C12orf42: variants seen among roughly 807,000 people sequenced by gnomAD.
C12orf42 encodes the protein chromosome 12 open reading frame 42.
C12orf42 carries 25 observed loss-of-function variants against 21.6 expected under a neutral mutation model. That is an observed-to-expected ratio of 1.16 (90% CI 0.84 to 1.62). The LOEUF is 1.62. Among genes scored for constraint, C12orf42 ranks in the 40% most tolerant of loss-of-function variants. C12orf42 has a pLI of 0.00. For synonymous variants in C12orf42, 174 were observed against 175.0 expected, an observed-to-expected ratio of 0.99 and a Z score of 0.05; for missense variants, 483 against 459.3, an observed-to-expected ratio of 1.05 and a Z score of -0.47.
chr12:103,075,988 A>G, the C12orf42 span, among the ~76,000 whole-genome samples: 1 of 152,160 alleles, frequency 6.6e-6, no homozygotes, highest in Non-Finnish European at 1.5e-5. Context: ...GGTTTTGGAT[A>G]TGTGGAGTTT....
At chr12:103,424,857 G>A (rs1314750820) in intron 2 of C12orf42, among the ~76,000 whole-genome samples, 2 of 152,182 alleles carry the variant, frequency 1.3e-5, no homozygotes, top group Non-Finnish European at 2.9e-5. Flanking sequence ...GCCCTGGAAA[G>A]GGGGCTAAAG....
chr12:103,134,175 C>A, the C12orf42 span, among the ~76,000 whole-genome samples: 1 of 152,092 alleles, frequency 6.6e-6, no homozygotes, highest in Non-Finnish European at 1.5e-5. Flanking sequence ...GTGCCAATAT[C>A]AGTGTAAGGA....
At chr12:103,088,172 T>C in the C12orf42 span, among the ~76,000 whole-genome samples, 1 of 152,222 alleles carries the variant, frequency 6.6e-6, no homozygotes, top group African/African-American at 2.4e-5. Flanking sequence ...TTAGGAGAAT[T>C]TTCCATGAGG....
At chr12:103,162,687 A>C in the C12orf42 span, 6 of 152,170 alleles carry the variant, frequency 3.9e-5, no homozygotes, top group African/African-American at 1.4e-4. Context: ...CAAGATTCTC[A>C]TCAGGCTCTC....
intron 2 of C12orf42, among the ~76,000 whole-genome samples, chr12:103,425,656 G>C (rs1949743759): frequency 6.6e-6 from 1 of 152,112 alleles, no homozygotes; most frequent in Admixed American, 6.5e-5. Context: ...AACAAAAAAG[G>C]ATGTCCACAC....
intron 2 of C12orf42, among the ~76,000 whole-genome samples, chr12:103,427,329 C>A: frequency 6.8e-6 from 1 of 147,438 alleles, no homozygotes. Flanking sequence ...CAATCCTAGT[C>A]TCTGATAAAA....
At chr12:103,168,779 G>T in the C12orf42 span, among the ~76,000 whole-genome samples, 1 of 152,230 alleles carries the variant, frequency 6.6e-6, no homozygotes, top group South Asian at 2.1e-4. Flanking sequence ...TTCAATATTA[G>T]ACTGGATAAA....
chr12:103,215,230 A>G, the C12orf42 span, among the ~76,000 whole-genome samples: 5 of 152,080 alleles, frequency 3.3e-5, no homozygotes, highest in African/African-American at 7.2e-5. Flanking sequence ...TTATATTAAT[A>G]CTAACACTAA....
chr12:103,442,629 AT>A (rs1395895480), intron 2 of C12orf42, among the ~76,000 whole-genome samples: 1 of 152,116 alleles, frequency 6.6e-6, no homozygotes, highest in Non-Finnish European at 1.5e-5. Flanking sequence ...CTGCATTATC[AT>A]TTTTCAACAA....
At chr12:103,314,839 A>G (rs1459939052) in intron 4 of C12orf42, among the ~76,000 whole-genome samples, 1 of 152,200 alleles carries the variant, frequency 6.6e-6, no homozygotes, top group Non-Finnish European at 1.5e-5. Flanking sequence ...TCACAGCCAC[A>G]CTTACTAAAA....
chr12:103,097,012 G>A, the C12orf42 span, among the ~76,000 whole-genome samples: 1 of 152,190 alleles, frequency 6.6e-6, no homozygotes, highest in African/African-American at 2.4e-5. Flanking sequence ...ACTAAAGAGT[G>A]TACTTTCCTC....
At chr12:103,488,200 C>A (rs1337376830) in intron 1 of C12orf42, among the ~76,000 whole-genome samples, 1 of 152,148 alleles carries the variant, frequency 6.6e-6, no homozygotes, top group Non-Finnish European at 1.5e-5. Flanking sequence ...GATTTTATTT[C>A]TCCTGCACTT....
intron 2 of C12orf42, among the ~76,000 whole-genome samples, chr12:103,436,831 C>T (rs1330614628): frequency 6.6e-6 from 1 of 151,106 alleles, no homozygotes; most frequent in South Asian, 2.1e-4. Context: ...CCACTGTCAA[C>T]ATTAGACAGA....
the C12orf42 span, among the ~76,000 whole-genome samples, chr12:103,187,514 G>A: frequency 1.2e-3 from 184 of 152,302 alleles, no homozygotes; most frequent in Non-Finnish European, 2.0e-3. Context: ...AGGAAGACAT[G>A]ATCATGGCAA....
intron 4 of C12orf42, among the ~76,000 whole-genome samples, chr12:103,322,057 A>C (rs2040189925): frequency 6.6e-6 from 1 of 152,022 alleles, no homozygotes; most frequent in Non-Finnish European, 1.5e-5. Flanking sequence ...TGCATTATTA[A>C]ACTTATATAG....
At chr12:103,262,832 T>A (rs545993820) in intron 10 of C12orf42, among the ~76,000 whole-genome samples, 46 of 152,308 alleles carry the variant, frequency 3.0e-4, no homozygotes, top group Non-Finnish European at 2.9e-5. Flanking sequence ...TAAATCATGC[T>A]ACTATGAAGA....
chr12:103,488,117 T>C (rs745848518), intron 1 of C12orf42, among the ~76,000 whole-genome samples: 21 of 152,232 alleles, frequency 1.4e-4, no homozygotes, highest in Non-Finnish European at 2.8e-4. Flanking sequence ...CCATGTATAG[T>C]GCTTCTTTCA....
intron 2 of C12orf42, among the ~76,000 whole-genome samples, chr12:103,455,389 G>A (rs1221891512): frequency 6.6e-6 from 1 of 152,142 alleles, no homozygotes; most frequent in Non-Finnish European, 1.5e-5. Context: ...AAGCAGAAAT[G>A]TCTATCTTTA....
chr12:103,251,577 G>A (rs2034306620), intron 10 of C12orf42, among the ~76,000 whole-genome samples: 1 of 152,098 alleles, frequency 6.6e-6, no homozygotes, highest in African/African-American at 2.4e-5. Flanking sequence ...CTGTAGAAAG[G>A]ACAAGAGATT....
Sources: gnomAD v4.1 joint callset for allele counts (sites outside exome capture counted in the v4.1 genomes callset) on GRCh38, gnomAD v4.1.1 for gene constraint, MANE v1.5 for transcripts, NCBI Gene and HGNC (gene_info 2026-07-23, HGNC 2026-07-21) for gene names.